Variants in EMB observed in about 807,000 individuals in gnomAD.
EMB encodes the protein embigin homolog.
A neutral mutation model predicts 41.4 loss-of-function variants in EMB; 31 were observed. The observed-to-expected ratio is 0.75, with a 90% CI of 0.56 to 1.01. The LOEUF is 1.01. Among genes scored for constraint, EMB ranks in the 50% least tolerant of loss-of-function variants. The pLI, the probability that EMB is intolerant of heterozygous loss-of-function variation, is 0.00. For synonymous variants in EMB, 137 were observed against 140.4 expected, an observed-to-expected ratio of 0.98 and a Z score of 0.17; for missense variants, 379 against 388.3, an observed-to-expected ratio of 0.98 and a Z score of 0.20.
intron 1 of EMB, among the ~76,000 whole-genome samples, chr5:50,437,938 A>G (rs1012576481): frequency 2.6e-5 from 4 of 152,224 alleles, no homozygotes; most frequent in African/African-American, 7.2e-5. Context: ...TATATCCTTT[A>G]CAAAGATATA....
At chr5:50,408,881 A>G (rs577810837) in intron 4 of EMB, among the ~76,000 whole-genome samples, 2 of 152,168 alleles carry the variant, frequency 1.3e-5, no homozygotes, top group African/African-American at 4.8e-5. Context: ...GCAATATTCA[A>G]TTTAGATGAA....
intron 2 of EMB, among the ~76,000 whole-genome samples, chr5:50,418,020 T>A (rs1730856451): frequency 6.6e-6 from 1 of 152,250 alleles, no homozygotes; most frequent in African/African-American, 2.4e-5. Context: ...TCTAAACTGA[T>A]TTAACATCAT....
At chr5:50,436,837 T>G (rs58756661) in intron 1 of EMB, among the ~76,000 whole-genome samples, 60,135 of 151,926 alleles carry the variant, frequency 0.4, 12,421 homozygotes, top group African/African-American at 0.51. Flanking sequence ...AGATGAGAGG[T>G]AGGAGGGAAG....
rs1579749912 is a variant in EMB, at chr5:50,441,249, C to T, written c.-98G>A. ...CTGCGCACACTCGCAGGTGGCCCGG[C>T]GCTCGCAGCCAGTGCCGCGGGTAGG... On this transcript the variant is annotated 5_prime_UTR_variant, in exon 1 of 9. Transcript: ENST00000303221. 4 of 673,976 alleles carry T rather than the reference C, an allele frequency of 5.9e-6. No homozygotes were observed. The highest frequency in any genetic ancestry group is 6.9e-5 in the East Asian group (2 of 28,996). The allele number at this position is 673,976 out of a possible 1,614,324, so 41.7% of individuals were successfully genotyped here. A position where few individuals can be genotyped will look rare whatever the true frequency, so the allele number is the denominator to read the frequency against.
chr5:50,429,499 A>G (rs71631467), intron 1 of EMB, among the ~76,000 whole-genome samples: 11,370 of 152,260 alleles, frequency 0.075, 578 homozygotes, highest in Middle Eastern at 0.15. Context: ...CATTGCTTTT[A>G]CAATATCGCC....
chr5:50,433,996 A>T (rs1012444373), intron 1 of EMB, among the ~76,000 whole-genome samples: 3 of 152,088 alleles, frequency 2.0e-5, no homozygotes, highest in Non-Finnish European at 2.9e-5. Flanking sequence ...TCTCTGTTCA[A>T]ATCTCCTTCT....
chr5:50,418,661 T>A (rs189586413), intron 2 of EMB, among the ~76,000 whole-genome samples: 106 of 152,300 alleles, frequency 7.0e-4, no homozygotes, highest in African/African-American at 2.2e-3. Context: ...TAAAAATATA[T>A]CACGTGCCTT....
chr5:50,412,728 G>A (rs1279746928), intron 2 of EMB, among the ~76,000 whole-genome samples: 3 of 151,708 alleles, frequency 2.0e-5, no homozygotes, highest in Admixed American at 6.6e-5. Context: ...AGTTTAATTC[G>A]CGGAGCCTGA....
intron 4 of EMB, among the ~76,000 whole-genome samples, chr5:50,406,073 G>A (rs1334454972): frequency 1.3e-5 from 2 of 151,722 alleles, no homozygotes; most frequent in Non-Finnish European, 2.9e-5. Context: ...AGAAATGGAA[G>A]GTCTTCTATT....
At chr5:50,410,994 G>C (rs373289093) in intron 3 of EMB, 29 bp from the exon 4 acceptor site, 5 of 1,484,414 alleles carry the variant, frequency 3.4e-6, no homozygotes, top group Non-Finnish European at 4.6e-6. Context: ...ATTAATATAG[G>C]CTTAGTTCTC....
At chr5:50,408,660 T>C (rs1352903912) in intron 4 of EMB, among the ~76,000 whole-genome samples, 1 of 152,032 alleles carries the variant, frequency 6.6e-6, no homozygotes, top group Non-Finnish European at 1.5e-5. Context: ...AAAACAGTCT[T>C]TTCATCTACA....
At chr5:50,425,779 G>C (rs1036066971) in intron 2 of EMB, among the ~76,000 whole-genome samples, 1 of 150,530 alleles carries the variant, frequency 6.6e-6, no homozygotes, top group Non-Finnish European at 1.5e-5. Context: ...CGCCTCCCAG[G>C]TTCAAGTGAT....
At chr5:50,430,011 A>ACG (rs1413577367) in intron 1 of EMB, among the ~76,000 whole-genome samples, 3 of 149,920 alleles carry the variant, frequency 2.0e-5, no homozygotes, top group Non-Finnish European at 4.5e-5. Flanking sequence ...TCTCTCACAC[A>ACG]CACACACACA....
chr5:50,429,967 TTTCTCTCTC>T (rs1745686489), intron 1 of EMB, among the ~76,000 whole-genome samples: 1 of 79,954 alleles, frequency 1.3e-5, no homozygotes, highest in Admixed American at 1.2e-4. Context: ...CCCAACTCTC[TTTCTCTCTC>T]TCTCTCTCTC....
rs750343207 is a variant in EMB at position 50,411,330 on chromosome 5, C to T, written c.250G>A (p.Val84Ile). ...KNITLERPSN[V>I]NLTCQFTTSG... ...GTTGTGAACTGGCATGTGAGATTTACATTAGAAGGCCTTTCTAAAGTGATA... is the reference window on the plus strand; with the variant it reads ...GTTGTGAACTGGCATGTGAGATTTATATTAGAAGGCCTTTCTAAAGTGATA... Residue 84 changes from valine (V) to isoleucine (I), a missense_variant, in exon 3 of 9, where the codon GTA becomes ATA. By Grantham distance (29) the Val-to-Ile change is conservative. Transcript: ENST00000303221. 6.2e-7 allele frequency: 1 copy of T among 1,612,552 alleles called. No homozygotes were observed. Among genetic ancestry groups the T allele is most frequent in the Non-Finnish European group, 8.5e-7 (1 of 1,179,164 alleles).
At chr5:50,401,201 G>A (rs1745156616) in intron 7 of EMB, among the ~76,000 whole-genome samples, 2 of 151,916 alleles carry the variant, frequency 1.3e-5, no homozygotes, top group African/African-American at 4.8e-5. Context: ...TTCTCTATCT[G>A]GTGTTATAGG....
intron 2 of EMB, among the ~76,000 whole-genome samples, chr5:50,422,880 T>A (rs1164100836): frequency 2.6e-5 from 4 of 152,150 alleles, no homozygotes; most frequent in African/African-American, 9.7e-5. Flanking sequence ...TGAAGGCCAA[T>A]CTGGAAGTAT....
chr5:50,437,850 C>T (rs1293477584), intron 1 of EMB, among the ~76,000 whole-genome samples: 3 of 152,050 alleles, frequency 2.0e-5, no homozygotes, highest in Non-Finnish European at 1.5e-5. Flanking sequence ...AAACATTTTT[C>T]AAAAGATAAA....
intron 2 of EMB, among the ~76,000 whole-genome samples, chr5:50,421,039 C>A (rs567830750): frequency 2.0e-4 from 31 of 152,230 alleles, no homozygotes; most frequent in African/African-American, 7.0e-4. Context: ...AACTCAAACA[C>A]AAATATCTAC....
Sources: allele counts gnomAD v4.1 joint callset (sites outside exome capture counted in the v4.1 genomes callset), GRCh38; gene constraint gnomAD v4.1.1; transcripts MANE v1.5; gene names NCBI Gene and HGNC (gene_info 2026-07-23, HGNC 2026-07-21).